Variants in CC2D2B observed in about 807,000 individuals in gnomAD.
CC2D2B encodes the protein protein CC2D2B.
Under a neutral mutation model 161.2 loss-of-function variants are expected in CC2D2B, and 128 were observed. That is an observed-to-expected ratio of 0.79 (90% CI 0.69 to 0.92). The LOEUF (loss-of-function observed/expected upper bound fraction) is 0.92. Ranked by LOEUF, CC2D2B falls within the 40% of genes least tolerant of loss-of-function variation. The pLI is 0.00. For synonymous variants in CC2D2B, 391 were observed against 449.8 expected (o/e 0.87, Z 1.65); for missense variants, 1,173 against 1,375.1 (o/e 0.85, Z 2.32).
intron 33 of CC2D2B, 48 bp from the exon 34 acceptor site, chr10:96,027,164 A>G (rs886506770): frequency 4.6e-6 from 6 of 1,300,556 alleles, no homozygotes; most frequent in Non-Finnish European, 6.2e-6. Context: ...TATATTTACC[A>G]AATGAGTTAT....
intron 22 of CC2D2B, 39 bp from the exon 23 acceptor site, chr10:95,995,230 C>A: frequency 8.4e-7 from 1 of 1,187,932 alleles, no homozygotes; most frequent in South Asian, 1.5e-5. Context: ...AATATTAAAA[C>A]TAATTAAGGT....
chr10:96,012,525 A>C lies in CC2D2B; in HGVS notation c.3229-7A>C. 1 of 1,574,760 alleles carries C rather than the reference A, an allele frequency of 6.4e-7. No homozygotes were observed. The highest frequency in any genetic ancestry group is 8.7e-7 in the Non-Finnish European group (1 of 1,145,028). The stretch of plus-strand genomic sequence containing the variant: ...ACAATTCTGAAATACTTTACATTTT[A>C]TTGTAGTTTTTAGATCAAACAGAGG... On this transcript the variant is annotated splice_region_variant and splice_polypyrimidine_tract_variant and intron_variant, in intron 27 of 34. Transcript: ENST00000646931.
chr10:95,967,779 G>T (rs2076991694), intron 14 of CC2D2B, among the ~76,000 whole-genome samples: 1 of 152,136 alleles, frequency 6.6e-6, no homozygotes, highest in Non-Finnish European at 1.5e-5. Flanking sequence ...CCAACAGGGA[G>T]ATAAGAATAG....
In CC2D2B at chr10:95,972,005, A is replaced by AT. The variant is rs1167978367; in HGVS notation, c.1645-55dup. ...AAAATATATGTTGTTAAGGGTGCTTATTTTTTCCTTTTTCTGTGTTGTATT... is the reference window on the plus strand; with the variant it reads ...AAAATATATGTTGTTAAGGGTGCTTATTTTTTTCCTTTTTCTGTGTTGTATT... On this transcript the variant is annotated intron_variant, in intron 15 of 34. Coordinates refer to ENST00000646931, the MANE Select transcript of CC2D2B (RefSeq NM_001349008.3). 4 of 931,378 alleles carry AT rather than the reference A, an allele frequency of 4.3e-6. No homozygotes were observed. The African/African-American group carries it at 6.8e-5, about 16-fold the overall frequency. The allele number at this position is 931,378 out of a possible 1,614,324, so 57.7% of individuals were successfully genotyped here.
At chr10:96,028,314 AGACTT>A (rs2079872510) in intron 34 of CC2D2B, among the ~76,000 whole-genome samples, 1 of 152,228 alleles carries the variant, frequency 6.6e-6, no homozygotes, top group South Asian at 2.1e-4. Context: ...AATGGGCAAA[AGACTT>A]GAATAGACAT....
At chr10:95,965,490 G>A (rs978588669) in intron 12 of CC2D2B, among the ~76,000 whole-genome samples, 13 of 152,044 alleles carry the variant, frequency 8.6e-5, no homozygotes, top group African/African-American at 3.1e-4. Context: ...ATATCACCAT[G>A]ATCACCTGCC....
At chr10:96,028,134 T>C (rs937432377) in intron 34 of CC2D2B, among the ~76,000 whole-genome samples, 7 of 151,980 alleles carry the variant, frequency 4.6e-5, no homozygotes, top group African/African-American at 1.7e-4. Context: ...AATGGACAAA[T>C]GGGATCACAT....
chr10:95,923,909 C>T (rs10786246), intron 3 of CC2D2B, among the ~76,000 whole-genome samples: 150,463 of 152,254 alleles, frequency 0.99, 74,351 homozygotes, highest in East Asian at 1. Context: ...TAATCCCAGC[C>T]ACTCAGGAGG....
At chr10:95,954,746 A>G (rs562660851) in intron 10 of CC2D2B, among the ~76,000 whole-genome samples, 41 of 152,254 alleles carry the variant, frequency 2.7e-4, no homozygotes, top group South Asian at 6.2e-4. Flanking sequence ...TTGTTTTCCT[A>G]TGTTTAGGTC....
chr10:96,001,499 A>G (rs1460380642), intron 24 of CC2D2B, among the ~76,000 whole-genome samples: 2 of 152,206 alleles, frequency 1.3e-5, no homozygotes, highest in African/African-American at 2.4e-5. Context: ...GGCTAAAGGA[A>G]CTCAGAAGAA....
intron 16 of CC2D2B, 54 bp from the exon 17 acceptor site, chr10:95,973,955 T>A: frequency 9.5e-7 from 1 of 1,057,066 alleles, no homozygotes; most frequent in Non-Finnish European, 1.2e-6. Context: ...ACCCACAATG[T>A]GCTTCAACTG....
chr10:96,028,619 G>T (rs902683802), intron 34 of CC2D2B, among the ~76,000 whole-genome samples: 1 of 152,120 alleles, frequency 6.6e-6, no homozygotes, highest in Non-Finnish European at 1.5e-5. Context: ...CAATCCCACT[G>T]CTGGGTATAT....
At chr10:96,024,617 G>T (rs1423220664) in intron 32 of CC2D2B, among the ~76,000 whole-genome samples, 1 of 152,158 alleles carries the variant, frequency 6.6e-6, no homozygotes, top group African/African-American at 2.4e-5. Flanking sequence ...TGGGGCGCCA[G>T]GTCTGTTTTA....
intron 9 of CC2D2B, among the ~76,000 whole-genome samples, chr10:95,945,040 CCATGTGAGGA>C (rs2141306213): frequency 6.6e-6 from 1 of 152,302 alleles, no homozygotes; most frequent in South Asian, 2.1e-4. Flanking sequence ...CCACCATCTG[CCATGTGAGGA>C]CACAGCATTC....
chr10:95,957,553 A>ATTT (rs869263327), intron 11 of CC2D2B, among the ~76,000 whole-genome samples: 3,250 of 83,650 alleles, frequency 0.039, 284 homozygotes, highest in African/African-American at 0.095. Flanking sequence ...GCTGACAATG[A>ATTT]TTTTTTTTTT....
intron 6 of CC2D2B, among the ~76,000 whole-genome samples, chr10:95,935,846 C>G (rs1305366007): frequency 1.3e-5 from 2 of 152,146 alleles, no homozygotes; most frequent in East Asian, 3.9e-4. Context: ...ATTCTCTATC[C>G]TCTTACCCTG....
chr10:95,950,910 C>G (rs1027251224), intron 10 of CC2D2B, among the ~76,000 whole-genome samples: 5 of 152,110 alleles, frequency 3.3e-5, no homozygotes, highest in Middle Eastern at 3.4e-3. Context: ...ACCTCTACCT[C>G]CCGAGTTCAA....
rs2078536706 is a variant in CC2D2B, at chr10:96,002,367, AAAT to A, written c.2850-1780_2850-1778del. 2.6e-5 allele frequency among the ~76,000 whole-genome samples: 4 copies of A among 152,212 alleles called. No homozygotes were observed. In the South Asian group the frequency reaches 8.3e-4, roughly 32 times the overall value. ...AAGCAAATGGATAAGTAGTCATAAT[AAAT>A]AATATTTATAAGTAATAAATAATAT... On this transcript the variant is annotated intron_variant, in intron 24 of 34. Coordinates refer to ENST00000646931, the MANE Select transcript of CC2D2B (RefSeq NM_001349008.3).
intron 24 of CC2D2B, among the ~76,000 whole-genome samples, chr10:95,997,952 A>G (rs2078295188): frequency 6.6e-6 from 1 of 152,226 alleles, no homozygotes; most frequent in Non-Finnish European, 1.5e-5. Flanking sequence ...ACAGCAGTAT[A>G]TACAATTTCC....
Sources: allele counts gnomAD v4.1 joint callset (sites outside exome capture counted in the v4.1 genomes callset), GRCh38; gene constraint gnomAD v4.1.1; transcripts MANE v1.5; gene names NCBI Gene and HGNC (gene_info 2026-07-23, HGNC 2026-07-21).